Variants in OSBPL5 observed in about 807,000 individuals in gnomAD.
OSBPL5 encodes the protein oxysterol binding protein like 5.
A neutral mutation model predicts 111.2 loss-of-function variants in OSBPL5; 71 were observed. The observed-to-expected ratio is 0.64, with a 90% CI of 0.53 to 0.78. The LOEUF (loss-of-function observed/expected upper bound fraction) is 0.78, where lower values mean the gene tolerates loss of function less well. OSBPL5 is among the 30% of genes least tolerant of loss of function. OSBPL5 has a pLI of 0.00. For missense variants in OSBPL5, 1,210 were observed against 1,189.3 expected (o/e 1.02, Z -0.26); for synonymous variants, 549 against 513.9 (o/e 1.07, Z -0.93).
At chr11:3,115,058 T>A (rs1337201818) in intron 7 of OSBPL5, among the ~76,000 whole-genome samples, 1 of 152,210 alleles carries the variant, frequency 6.6e-6, no homozygotes, top group Non-Finnish European at 1.5e-5. Flanking sequence ...CTTCAACTCA[T>A]TTTCAGCTCA....
chr11:3,089,363 T>C (rs1856980088), intron 21 of OSBPL5, among the ~76,000 whole-genome samples: 1 of 152,152 alleles, frequency 6.6e-6, no homozygotes, highest in South Asian at 2.1e-4. Context: ...TGCTCCTCAT[T>C]GGTGGGATCT....
Position 3,110,896 on chromosome 11 carries a change from C to T in OSBPL5, c.692-2951G>A, listed in dbSNP as rs901172637. 2.0e-5 allele frequency among the ~76,000 whole-genome samples: 3 copies of T among 152,170 alleles called. No homozygotes were observed. Among genetic ancestry groups the T allele is most frequent in the Non-Finnish European group, 4.4e-5 (3 of 68,042 alleles). On this transcript the variant is annotated intron_variant, in intron 7 of 21. Coordinates refer to ENST00000263650, the MANE Select transcript of OSBPL5 (RefSeq NM_020896.4). The surrounding 1 kb of genome is among the most constrained non-coding windows in gnomAD (Gnocchi z 5.3). ...TGTGCTCTGACCACCCTGGGCACAT[C>T]GTCAGGACCTCCTGAGGCTGTGTCA...
intron 1 of OSBPL5, among the ~76,000 whole-genome samples, chr11:3,149,999 C>G (rs1182314711): frequency 6.6e-6 from 1 of 152,192 alleles, no homozygotes; most frequent in African/African-American, 2.4e-5. Flanking sequence ...TGCACAGATG[C>G]ATGCATGCAC....
rs1846962414 is a variant in OSBPL5 at position 3,161,405 on chromosome 11, G to A, written c.-22+3811C>T. ...AGCATGGAGGAAATGAGCTGGTCAC[G>A]TCCCACACCAGCCGATGCTGGTGAA... On this transcript the variant is annotated intron_variant, in intron 1 of 21. Transcript: ENST00000263650. This position sits in a 1 kb window ranked among gnomAD's most constrained non-coding sequence, Gnocchi z 8.0. The A allele has an allele frequency of 6.6e-6, 1 of 152,184 alleles. No individual in the cohort carries two copies. Among genetic ancestry groups the A allele is most frequent in the Non-Finnish European group, 1.5e-5 (1 of 68,046 alleles). The allele number at this position is 152,184 out of a possible 1,614,324, so 9.4% of individuals were successfully genotyped here. A position where few individuals can be genotyped will look rare whatever the true frequency, so the allele number is the denominator to read the frequency against.
chr11:3,103,717 G>GCCT (rs1564829546), intron 10 of OSBPL5, among the ~76,000 whole-genome samples: 10 of 52,710 alleles, frequency 1.9e-4, no homozygotes, highest in African/African-American at 2.7e-4. Flanking sequence ...CCCCCTTCCA[G>GCCT]GCTCTGCTGC....
At chr11:3,093,955 G>T in intron 15 of OSBPL5, 120 bp from the exon 16 acceptor site, 2 of 1,253,962 alleles carry the variant, frequency 1.6e-6, no homozygotes, top group African/African-American at 1.5e-5. Flanking sequence ...AGGAGGGATG[G>T]ACCCAACCCT....
chr11:3,123,938 C>T (rs566867814), intron 3 of OSBPL5, among the ~76,000 whole-genome samples: 40 of 152,310 alleles, frequency 2.6e-4, no homozygotes, highest in African/African-American at 9.4e-4. Flanking sequence ...GCACTGGGCA[C>T]CAGGCTTGGC....
At chr11:3,143,701 G>A (rs183728718) in intron 1 of OSBPL5, among the ~76,000 whole-genome samples, 1 of 152,374 alleles carries the variant, frequency 6.6e-6, no homozygotes, top group African/African-American at 2.4e-5. Context: ...GCCCGGCCCG[G>A]TTCTGTCCCG....
At chr11:3,108,065 C>A in intron 7 of OSBPL5, 120 bp from the exon 8 acceptor site, 1 of 1,328,340 alleles carries the variant, frequency 7.5e-7, no homozygotes, top group Non-Finnish European at 1.0e-6. Flanking sequence ...CCCTCCATCC[C>A]AGACCCACCC....
Position 3,104,640 on chromosome 11 carries a change from T to A in OSBPL5, c.1060-263A>T, listed in dbSNP as rs1290216370. Reference sequence around the variant, plus strand: ...CTCTGCTCCTTGCCCAGGGACCCCATGCCCTGCCCTCCTCAAAGTCCAGGG... The same window carrying A: ...CTCTGCTCCTTGCCCAGGGACCCCAAGCCCTGCCCTCCTCAAAGTCCAGGG... On this transcript the variant is annotated intron_variant, in intron 9 of 21. Coordinates refer to ENST00000263650, the MANE Select transcript of OSBPL5 (RefSeq NM_020896.4). The surrounding 1 kb of genome is among the most constrained non-coding windows in gnomAD (Gnocchi z 5.0). Among the ~76,000 whole-genome samples, 1 of 152,042 alleles carries A rather than the reference T, an allele frequency of 6.6e-6. No individual in the cohort carries two copies. Among genetic ancestry groups the A allele is most frequent in the Admixed American group, 6.5e-5 (1 of 15,272 alleles).
In OSBPL5 at chr11:3,106,575, C is replaced by A. The variant is rs1857702901; in HGVS notation, c.1059+688G>T. 6.6e-6 allele frequency among the ~76,000 whole-genome samples: 1 copy of A among 152,194 alleles called. No individual in the cohort carries two copies. On this transcript the variant is annotated intron_variant, in intron 9 of 21. Transcript: ENST00000263650. This position sits in a 1 kb window ranked among gnomAD's most constrained non-coding sequence, Gnocchi z 8.4. ...CGGGGAGTCAGCTGCCCTGGCTGTT[C>A]ATCTGCAGGCATGCTCTGGGGACAC...
In OSBPL5 at chr11:3,120,729, G is replaced by A. The variant is rs555251877; in HGVS notation, c.403-105C>T. 8.6e-4 allele frequency: 1,103 copies of A among 1,277,832 alleles called. 9 individuals are homozygous for A. The highest frequency in any genetic ancestry group is 7.0e-3 in the South Asian group (525 of 74,496). The allele number at this position is 1,277,832 out of a possible 1,614,324, so 79.2% of individuals were successfully genotyped here. On this transcript the variant is annotated intron_variant, in intron 5 of 21. Coordinates refer to ENST00000263650, the MANE Select transcript of OSBPL5 (RefSeq NM_020896.4). Reference sequence around the variant, plus strand: ...CAGGCACAGACCAGGGTGGGCTGCCGAGGGGCCCTTCCCCTCCCTCACTCC... The same window carrying A: ...CAGGCACAGACCAGGGTGGGCTGCCAAGGGGCCCTTCCCCTCCCTCACTCC...
intron 19 of OSBPL5, among the ~76,000 whole-genome samples, chr11:3,091,664 ATCTG>A (rs1272585236): frequency 6.6e-6 from 1 of 152,142 alleles, no homozygotes; most frequent in African/African-American, 2.4e-5. Flanking sequence ...TAGGGGGTGC[ATCTG>A]TCTACCTTCC....
At chr11:3,096,223 C>G (rs1026120528) in intron 14 of OSBPL5, among the ~76,000 whole-genome samples, 1 of 152,194 alleles carries the variant, frequency 6.6e-6, no homozygotes, top group African/African-American at 2.4e-5. Context: ...AAGACACAGG[C>G]ACGTGGCAGC....
intron 20 of OSBPL5, 69 bp from the exon 21 acceptor site, chr11:3,090,017 G>C: frequency 7.9e-7 from 1 of 1,262,336 alleles, no homozygotes; most frequent in Non-Finnish European, 1.1e-6. Flanking sequence ...GTCCAGTGGG[G>C]CTGGCACGTG....
Position 3,092,526 on chromosome 11 carries a change from G to T in OSBPL5, c.2165C>A (p.Ala722Asp). Residue 722 changes from alanine to aspartate, a missense_variant, in exon 19 of 22, where the codon GCC becomes GAC. Transcript: ENST00000263650. This position sits in a 1 kb window ranked among gnomAD's most constrained non-coding sequence, Gnocchi z 5.4. ...HSPWDPLKDI[A>D]QFEQDGILRT... The stretch of plus-strand genomic sequence containing the variant: ...CAGGATCCCGTCTTGCTCAAACTGG[G>T]CGATGTCCTTCAGGGGGTCCCAGGG... 1 of 1,589,626 alleles carries T rather than the reference G, an allele frequency of 6.3e-7. No homozygotes were observed. The highest frequency in any genetic ancestry group is 8.6e-7 in the Non-Finnish European group (1 of 1,168,298).
intron 1 of OSBPL5, among the ~76,000 whole-genome samples, chr11:3,156,433 A>T (rs1443293933): frequency 2.0e-5 from 3 of 152,200 alleles, no homozygotes; most frequent in Admixed American, 2.0e-4. Flanking sequence ...AGCGGAAGTC[A>T]GTGGTCACGT....
intron 19 of OSBPL5, among the ~76,000 whole-genome samples, chr11:3,091,775 A>G (rs1358558427): frequency 6.6e-6 from 1 of 152,190 alleles, no homozygotes; most frequent in Non-Finnish European, 1.5e-5. Context: ...TAGGGCCATC[A>G]GGCAAGCAAG....
chr11:3,157,695 G>A (rs117503514), intron 1 of OSBPL5, among the ~76,000 whole-genome samples: 2,416 of 152,344 alleles, frequency 0.016, 24 homozygotes, highest in Non-Finnish European at 0.021. Context: ...TCGGCCGGCT[G>A]GGGACTGAGT....
Sources: gnomAD v4.1 joint callset for allele counts (sites outside exome capture counted in the v4.1 genomes callset) on GRCh38, gnomAD v4.1.1 for gene constraint, Gnocchi (gnomAD v3.1) non-coding constraint, MANE v1.5 for transcripts, NCBI Gene and HGNC (gene_info 2026-07-23, HGNC 2026-07-21) for gene names.